The following RFX4 variants were observed in gnomAD, a reference collection of about 807,000 sequenced individuals.
RFX4 encodes regulatory factor X4.
A neutral mutation model predicts 95.0 loss-of-function variants in RFX4; 10 were observed. The ratio of observed to expected loss-of-function variants is 0.11; its 90% CI spans 0.06 to 0.18. RFX4 has a LOEUF of 0.18. Among genes scored for constraint, RFX4 ranks in the 10% least tolerant of loss-of-function variants. The pLI is 1.00. For missense variants in RFX4, 640 were observed against 922.0 expected (o/e 0.69, Z 3.96); for synonymous variants, 321 against 340.7 (o/e 0.94, Z 0.64).
At chr12:106,665,969 A>T (rs2041169259) in intron 4 of RFX4, among the ~76,000 whole-genome samples, 1 of 152,028 alleles carries the variant, frequency 6.6e-6, no homozygotes, top group Non-Finnish European at 1.5e-5. Flanking sequence ...TTCCTTCTTC[A>T]GTCCTCTTCC....
rs956986287 is a variant in RFX4, at chr12:106,704,982, T to C, written c.834-4348T>C. Among the ~76,000 whole-genome samples, 7 of 152,190 alleles carry C rather than the reference T, an allele frequency of 4.6e-5. No homozygotes were observed. The East Asian group carries it at 1.3e-3, about 29-fold the overall frequency. ...TGGAGATGGGGAGCAGCAAGGCATG[T>C]CAAAGTGCACAATGTGGTACTTTCA... On this transcript the variant is annotated intron_variant, in intron 8 of 17. Transcript: ENST00000392842.
chr12:106,639,004 T>C (rs1184950138), intron 2 of RFX4, among the ~76,000 whole-genome samples: 1 of 152,158 alleles, frequency 6.6e-6, no homozygotes, highest in Non-Finnish European at 1.5e-5. Flanking sequence ...AGGGTTGAAA[T>C]TGTAGTCTGT....
intron 17 of RFX4, among the ~76,000 whole-genome samples, chr12:106,760,224 C>A (rs2043185340): frequency 6.6e-6 from 1 of 152,162 alleles, no homozygotes; most frequent in African/African-American, 2.4e-5. Context: ...TTGGTGTAGC[C>A]CTCAGCACAG....
chr12:106,750,541 GAAA>G, intron 16 of RFX4, 111 bp from the exon 17 acceptor site: 1 of 1,044,422 alleles, frequency 9.6e-7, no homozygotes, highest in Non-Finnish European at 1.3e-6. Flanking sequence ...GGGAAGAAAA[GAAA>G]AGAGAAAAAA....
chr12:106,643,099 A>G lies in RFX4; in HGVS notation c.191+3707A>G, dbSNP rs368844531. Among the ~76,000 whole-genome samples the G allele has an allele frequency of 2.4e-4, 37 of 152,304 alleles. 1 individual carries two copies. In the South Asian group the frequency reaches 7.5e-3, roughly 31 times the overall value. Reference sequence around the variant, plus strand: ...CAACGGATCCAGACCTTTATCCCCCAACCCCATTGTCCATCACTGAATACA... The same window carrying G: ...CAACGGATCCAGACCTTTATCCCCCGACCCCATTGTCCATCACTGAATACA... On this transcript the variant is annotated intron_variant, in intron 3 of 17. Coordinates refer to ENST00000392842, the MANE Select transcript of RFX4 (RefSeq NM_213594.3).
intron 2 of RFX4, among the ~76,000 whole-genome samples, chr12:106,626,394 C>T (rs1050399512): frequency 6.6e-6 from 1 of 152,072 alleles, no homozygotes; most frequent in South Asian, 2.1e-4. Flanking sequence ...CAGAAAGCTA[C>T]GAGACTGGTC....
rs147441659 is a variant in RFX4 at position 106,624,994 on chromosome 12, T to C, written c.131-14338T>C. 2.7e-3 allele frequency among the ~76,000 whole-genome samples: 418 copies of C among 152,342 alleles called. 2 individuals carry two copies. The highest frequency in any genetic ancestry group is 9.5e-3 in the African/African-American group (395 of 41,576). ...GCTTTTTCTGGCATGAGCCTTTCAGTATCAGCACCAGGGACCTGGTCAAAA... is the reference window on the plus strand; with the variant it reads ...GCTTTTTCTGGCATGAGCCTTTCAGCATCAGCACCAGGGACCTGGTCAAAA... On this transcript the variant is annotated intron_variant, in intron 2 of 17. Transcript: ENST00000392842.
intron 2 of RFX4, among the ~76,000 whole-genome samples, chr12:106,623,662 G>A (rs963332667): frequency 6.6e-6 from 1 of 152,212 alleles, no homozygotes; most frequent in Non-Finnish European, 1.5e-5. Flanking sequence ...GCTTTGGCCT[G>A]TGGTCCCAGC....
intron 15 of RFX4, among the ~76,000 whole-genome samples, chr12:106,739,033 G>A (rs982915257): frequency 1.1e-4 from 16 of 151,542 alleles, no homozygotes; most frequent in South Asian, 8.3e-4. Context: ...TAAAATTATC[G>A]CTTGACTTAT....
rs558632183 is a variant in RFX4, at chr12:106,593,676, T to C, written c.43+10313T>C. The stretch of plus-strand genomic sequence containing the variant: ...GAAGAAGGAAGTGTTTCTTGGAATG[T>C]TGCGATTATAGGATTTATAATTTTT... On this transcript the variant is annotated intron_variant, in intron 1 of 17. Transcript: ENST00000392842. Among the ~76,000 whole-genome samples the C allele has an allele frequency of 2.4e-4, 37 of 152,358 alleles. 2 individuals carry two copies. In the South Asian group the frequency reaches 7.7e-3, roughly 32 times the overall value.
chr12:106,612,908 C>T (rs1273023197), intron 2 of RFX4, among the ~76,000 whole-genome samples: 3 of 151,728 alleles, frequency 2.0e-5, no homozygotes, highest in African/African-American at 7.3e-5. Context: ...ATTTGGAATG[C>T]TTTTATTTCT....
intron 3 of RFX4, among the ~76,000 whole-genome samples, chr12:106,652,831 C>T (rs1390297926): frequency 1.3e-5 from 2 of 152,162 alleles, no homozygotes; most frequent in Admixed American, 6.5e-5. Flanking sequence ...ACTTCACTTA[C>T]GACAGCGCTG....
intron 2 of RFX4, among the ~76,000 whole-genome samples, chr12:106,618,585 TG>T (rs2040120549): frequency 6.6e-6 from 1 of 152,076 alleles, no homozygotes; most frequent in Non-Finnish European, 1.5e-5. Flanking sequence ...TCTTTATACA[TG>T]GGTTGATATG....
intron 1 of RFX4, among the ~76,000 whole-genome samples, chr12:106,599,128 A>C (rs753857778): frequency 6.6e-6 from 1 of 151,284 alleles, no homozygotes; most frequent in Non-Finnish European, 1.5e-5. Flanking sequence ...TCTCTGAACA[A>C]ACGGCATTTG....
At chr12:106,753,016 C>A (rs2043038232) in intron 17 of RFX4, among the ~76,000 whole-genome samples, 1 of 152,116 alleles carries the variant, frequency 6.6e-6, no homozygotes, top group Admixed American at 6.5e-5. Context: ...GGTCTCTATG[C>A]CTCTAAAATG....
In RFX4 at chr12:106,762,331, T is replaced by C. The variant is rs934360606; in HGVS notation, c.*862T>C. On this transcript the variant is annotated 3_prime_UTR_variant, in exon 18 of 18. Coordinates refer to ENST00000392842, the MANE Select transcript of RFX4 (RefSeq NM_213594.3). ...GCTGTGTTAACTTTGTGAAACTGGA[T>C]GGAACAAACTTTAACTTACCAAGCA... The C allele has an allele frequency of 6.6e-6, 1 of 152,620 alleles. No individual in the cohort carries two copies. Among genetic ancestry groups the C allele is most frequent in the Non-Finnish European group, 1.5e-5 (1 of 68,036 alleles). 9.5% of individuals were successfully genotyped at this position (152,620 alleles called of 1,614,324 possible). A position where few individuals can be genotyped will look rare whatever the true frequency, so the allele number is the denominator to read the frequency against.
intron 6 of RFX4, 103 bp downstream of exon 6, chr12:106,687,200 A>T (rs1426135339): frequency 3.3e-5 from 24 of 719,304 alleles, no homozygotes; most frequent in Middle Eastern, 3.9e-4. Flanking sequence ...ACACACACAC[A>T]CACACACACA....
intron 13 of RFX4, among the ~76,000 whole-genome samples, chr12:106,726,424 G>T (rs1403222361): frequency 6.6e-6 from 1 of 151,726 alleles, no homozygotes; most frequent in Non-Finnish European, 1.5e-5. Context: ...GCAAAATAAG[G>T]AAATGATTGT....
intron 17 of RFX4, among the ~76,000 whole-genome samples, chr12:106,758,530 T>C (rs2043150495): frequency 1.3e-5 from 2 of 152,184 alleles, no homozygotes; most frequent in African/African-American, 2.4e-5. Context: ...TCTCGGGTTC[T>C]GTGGAAAAGA....
Sources: allele counts gnomAD v4.1 joint callset (sites outside exome capture counted in the v4.1 genomes callset), GRCh38; gene constraint gnomAD v4.1.1; transcripts MANE v1.5; gene names NCBI Gene and HGNC (gene_info 2026-07-23, HGNC 2026-07-21).